Variants in SLCO3A1 observed in about 807,000 individuals in gnomAD.
SLCO3A1 encodes the protein PGE1 transporter.
Under a neutral mutation model 63.1 loss-of-function variants are expected in SLCO3A1, and 27 were observed. The observed-to-expected ratio is 0.43, with a 90% confidence interval of 0.32 to 0.59. The LOEUF (loss-of-function observed/expected upper bound fraction) is 0.59, where lower values mean the gene tolerates loss of function less well. Ranked by LOEUF, SLCO3A1 falls within the 20% of genes least tolerant of loss-of-function variation. The probability of loss-of-function intolerance (pLI) is 0.09; values close to 1 mark genes in which losing one functional copy is unlikely to be tolerated. For synonymous variants in SLCO3A1, 473 were observed against 409.9 expected (o/e 1.15, Z -1.86); for missense variants, 773 against 945.8 (o/e 0.82, Z 2.40).
chr15:92,014,251 G>A (rs1398908817), intron 2 of SLCO3A1, among the ~76,000 whole-genome samples: 6 of 152,096 alleles, frequency 3.9e-5, no homozygotes, highest in Non-Finnish European at 4.4e-5. Context: ...CTGGGCCACG[G>A]GGGCAGTGGA....
chr15:92,077,719 G>A (rs2047295907), intron 2 of SLCO3A1, among the ~76,000 whole-genome samples: 1 of 152,170 alleles, frequency 6.6e-6, no homozygotes, highest in Non-Finnish European at 1.5e-5. Flanking sequence ...CAGGACCCTG[G>A]GCTTCCCAGA....
chr15:92,103,523 A>T (rs1266189581), intron 3 of SLCO3A1, among the ~76,000 whole-genome samples: 1 of 13,240 alleles, frequency 7.6e-5, no homozygotes, highest in African/African-American at 1.7e-4. Flanking sequence ...CAAAGTTGGC[A>T]TTAATTAATT....
intron 9 of SLCO3A1, among the ~76,000 whole-genome samples, chr15:92,152,140 A>T (rs2048313775): frequency 6.6e-6 from 1 of 152,236 alleles, no homozygotes; most frequent in Non-Finnish European, 1.5e-5. Flanking sequence ...TAATAAGGTT[A>T]TATTTTCTAA....
intron 2 of SLCO3A1, among the ~76,000 whole-genome samples, chr15:92,077,679 C>A (rs1313538524): frequency 6.6e-6 from 1 of 152,210 alleles, no homozygotes; most frequent in Non-Finnish European, 1.5e-5. Context: ...GTAGAGGCCC[C>A]ATGCCACTAA....
intron 2 of SLCO3A1, among the ~76,000 whole-genome samples, chr15:91,980,532 C>G (rs927298578): frequency 6.6e-6 from 1 of 151,824 alleles, no homozygotes; most frequent in African/African-American, 2.4e-5. Flanking sequence ...TATGAAGTTT[C>G]TAAGCTCATT....
At position 92,163,917 on chromosome 15, in the gene SLCO3A1, A is replaced by T; in HGVS notation, c.*782A>T. The T allele has an allele frequency of 3.0e-6, 3 of 985,580 alleles. No individual in the cohort carries two copies. The highest frequency in any genetic ancestry group is 3.6e-6 in the Non-Finnish European group (3 of 830,018). The allele number at this position is 985,580 out of a possible 1,614,324, so 61.1% of individuals were successfully genotyped here. On this transcript the variant is annotated 3_prime_UTR_variant, in exon 10 of 10. Transcript: ENST00000318445. ...CATCCACCTTCCCCCAGCCCCACAG[A>T]GTGACCTCAGGAAGCAGTAGGCCTC...
intron 2 of SLCO3A1, among the ~76,000 whole-genome samples, chr15:91,986,926 C>T (rs2151440531): frequency 6.6e-6 from 1 of 152,258 alleles, no homozygotes. Context: ...CCCATAAATT[C>T]TGGTAGCTGT....
In SLCO3A1 at chr15:91,856,517, T is replaced by G. The variant is rs2141829811; in HGVS notation, c.180+2429T>G. On this transcript the variant is annotated intron_variant, in intron 1 of 9. Coordinates refer to ENST00000318445, the MANE Select transcript of SLCO3A1 (RefSeq NM_013272.4). This position sits in a 1 kb window ranked among gnomAD's most constrained non-coding sequence, Gnocchi z 4.9. ...AGATGGGGAAAAAAAGTTTGCTCCT[T>G]CAGCCATGCGAGACTTCTCTGTGGA... Among the ~76,000 whole-genome samples, 1 of 152,328 alleles carries G rather than the reference T, an allele frequency of 6.6e-6. No homozygotes were observed. The highest frequency in any genetic ancestry group is 2.1e-4 in the South Asian group (1 of 4,826).
intron 1 of SLCO3A1, among the ~76,000 whole-genome samples, chr15:91,870,504 G>A (rs1352315316): frequency 1.3e-5 from 2 of 152,198 alleles, no homozygotes; most frequent in African/African-American, 4.8e-5. Context: ...TATTACTGCT[G>A]TGTGATGTGT....
In SLCO3A1 at chr15:92,150,936, C is replaced by A; in HGVS notation, c.1689-14C>A. On this transcript the variant is annotated splice_polypyrimidine_tract_variant and intron_variant, in intron 8 of 9. Coordinates refer to ENST00000318445, the MANE Select transcript of SLCO3A1 (RefSeq NM_013272.4). ...AATCTGGTTTTTTTTTTCTCTTCAT[C>A]TCTTTGCACGTAGGACAGTCAGCCC... is the stretch of plus-strand genomic sequence containing the variant. The A allele has an allele frequency of 6.3e-7, 1 of 1,589,716 alleles. No homozygotes were observed. Among genetic ancestry groups the A allele is most frequent in the Non-Finnish European group, 8.5e-7 (1 of 1,169,642 alleles).
chr15:92,152,191 T>C (rs1209429673), intron 9 of SLCO3A1, among the ~76,000 whole-genome samples: 1 of 152,276 alleles, frequency 6.6e-6, no homozygotes, highest in South Asian at 2.1e-4. Flanking sequence ...GTTACTTTTA[T>C]GAGATTAGTT....
chr15:91,889,669 T>G (rs1897822477), intron 1 of SLCO3A1, among the ~76,000 whole-genome samples: 1 of 152,266 alleles, frequency 6.6e-6, no homozygotes, highest in Non-Finnish European at 1.5e-5. Context: ...GAGACAGGCC[T>G]TGTTCTCTAC....
chr15:91,992,302 A>C (rs374126742), intron 2 of SLCO3A1, among the ~76,000 whole-genome samples: 10 of 152,280 alleles, frequency 6.6e-5, no homozygotes, highest in African/African-American at 1.7e-4. Context: ...CAAATGCACT[A>C]CGCTGCTAAC....
At chr15:92,156,203 C>T (rs761577354) in intron 9 of SLCO3A1, among the ~76,000 whole-genome samples, 2 of 152,218 alleles carry the variant, frequency 1.3e-5, no homozygotes, top group East Asian at 1.9e-4. Flanking sequence ...GAAGCAAGCA[C>T]AGCATGCCCA....
chr15:91,944,087 C>G (rs984722744), intron 2 of SLCO3A1, among the ~76,000 whole-genome samples: 11 of 152,212 alleles, frequency 7.2e-5, no homozygotes, highest in African/African-American at 2.7e-4. Flanking sequence ...GCACATTGCA[C>G]AACCTCACTG....
intron 2 of SLCO3A1, among the ~76,000 whole-genome samples, chr15:91,925,005 A>T (rs187105301): frequency 6.6e-6 from 1 of 152,340 alleles, no homozygotes; most frequent in East Asian, 1.9e-4. Context: ...GTGAAAGTCC[A>T]TGTGAGGGAA....
At chr15:92,081,967 T>C (rs944204992) in intron 2 of SLCO3A1, among the ~76,000 whole-genome samples, 2 of 152,248 alleles carry the variant, frequency 1.3e-5, no homozygotes, top group East Asian at 1.9e-4. Flanking sequence ...GGGGCACATA[T>C]GCTCTGGCTC....
chr15:92,115,030 C>T (rs920527739), intron 4 of SLCO3A1, among the ~76,000 whole-genome samples: 6 of 151,164 alleles, frequency 4.0e-5, no homozygotes, highest in Admixed American at 6.6e-5. Flanking sequence ...TCTTGGGAGC[C>T]GTGACAGTGG....
intron 2 of SLCO3A1, among the ~76,000 whole-genome samples, chr15:92,044,311 C>T (rs1291816401): frequency 2.0e-5 from 3 of 152,158 alleles, no homozygotes; most frequent in Non-Finnish European, 4.4e-5. Flanking sequence ...TTCACGAACC[C>T]CTGTTCCTCT....
Sources: gnomAD v4.1 joint callset for allele counts (sites outside exome capture counted in the v4.1 genomes callset) on GRCh38, gnomAD v4.1.1 for gene constraint, Gnocchi (gnomAD v3.1) non-coding constraint, MANE v1.5 for transcripts, NCBI Gene and HGNC (gene_info 2026-07-23, HGNC 2026-07-21) for gene names.